CPLANE1: variants seen among roughly 807,000 people sequenced by gnomAD.
CPLANE1 encodes the protein ciliogenesis and planar polarity effector complex subunit 1.
Under a neutral mutation model 362.5 loss-of-function variants are expected in CPLANE1, and 263 were observed. The ratio of observed to expected loss-of-function variants is 0.73; its 90% CI spans 0.66 to 0.80. CPLANE1 has a LOEUF of 0.80. CPLANE1 is among the 30% of genes least tolerant of loss of function. The pLI is 0.00. For synonymous variants in CPLANE1, 1,212 were observed against 1,302.6 expected (o/e 0.93, Z 1.50); for missense variants, 3,461 against 3,793.4 (o/e 0.91, Z 2.30).
At position 37,121,622 on chromosome 5, in the gene CPLANE1, T is replaced by C. The variant is rs1762653550; in HGVS notation, c.9180A>G (p.Pro3060=). Residue 3060 remains proline, a synonymous_variant, in exon 49 of 53, where the codon CCA becomes CCG. Transcript: ENST00000651892. ...QSSSCQHCPS[P]RGENQHGHSF... ...CATGTGAAACCTTGTCTTACCCTCT[T>C]GGAGAAGGGCAGTGTTGACAACTGG... is the stretch of plus-strand genomic sequence containing the variant. The C allele has an allele frequency of 2.5e-6, 4 of 1,614,064 alleles. No homozygotes were observed. The highest frequency in any genetic ancestry group is 3.4e-6 in the Non-Finnish European group (4 of 1,179,940).
Position 37,169,004 on chromosome 5 carries a change from T to C in CPLANE1, c.7020A>G (p.Lys2340=), listed in dbSNP as rs565835408. 6.2e-7 allele frequency: 1 copy of C among 1,614,056 alleles called. No individual in the cohort carries two copies. Among genetic ancestry groups the C allele is most frequent in the African/African-American group, 1.3e-5 (1 of 75,008 alleles). ...GGGTCCCTGGCTTAACATCAAATAG[T>C]TTTTCTGGTTTTATAAACACTGAAG... The part of the protein sequence containing the change: ...QDSSVFIKPE[K]LFDVKPGTLE... Residue 2340 remains lysine, a synonymous_variant, in exon 34 of 53, where the codon AAA becomes AAG. Coordinates refer to ENST00000651892, the MANE Select transcript of CPLANE1 (RefSeq NM_001384732.1).
chr5:37,237,437 A>G (rs2150646041), intron 8 of CPLANE1, among the ~76,000 whole-genome samples: 1 of 152,326 alleles, frequency 6.6e-6, no homozygotes, highest in East Asian at 1.9e-4. Context: ...TAGGCATTGG[A>G]GACTACTAAA....
intron 26 of CPLANE1, among the ~76,000 whole-genome samples, chr5:37,182,342 A>G (rs1782881745): frequency 6.6e-6 from 1 of 151,952 alleles, no homozygotes; most frequent in Non-Finnish European, 1.5e-5. Context: ...TGGTTCTCCA[A>G]CCTCTTCTGG....
rs1400923516 is a variant in CPLANE1 at position 37,206,206 on chromosome 5, T to C, written c.3140A>G (p.Asn1047Ser). 3 of 1,550,346 alleles carry C rather than the reference T, an allele frequency of 1.9e-6. No homozygotes were observed. The highest frequency in any genetic ancestry group is 4.9e-5 in the East Asian group (2 of 40,910). Residue 1047 changes from asparagine to serine, a missense_variant, in exon 17 of 53, where the codon AAT (asparagine) becomes AGT (serine). By Grantham distance (46) the Asn-to-Ser change is conservative. Around this residue, in one of 2 missense-constraint regions of CPLANE1, gnomAD observed 3,380 missense variants for 3,666.1 expected, o/e 0.92. Coordinates refer to ENST00000651892, the MANE Select transcript of CPLANE1 (RefSeq NM_001384732.1). ...GCCTAAAAATCCATACCTCATGAAA[T>C]TGCTATCACGTTTACAGAACAGCTG... ...AFQLFCKRDS[N>S]FMRSKKKSLN...
At chr5:37,115,767 T>C (rs956067982) in intron 50 of CPLANE1, among the ~76,000 whole-genome samples, 1 of 151,580 alleles carries the variant, frequency 6.6e-6, no homozygotes, top group Non-Finnish European at 1.5e-5. Flanking sequence ...TGGCTACTTT[T>C]TTTTATTTTT....
intron 8 of CPLANE1, among the ~76,000 whole-genome samples, chr5:37,232,299 C>T (rs1258107390): frequency 2.0e-5 from 3 of 152,022 alleles, no homozygotes; most frequent in African/African-American, 2.4e-5. Flanking sequence ...AGGTGGATCA[C>T]GAGGTCAGGA....
At chr5:37,099,016 C>T in the CPLANE1 span, among the ~76,000 whole-genome samples, 1 of 144,704 alleles carries the variant, frequency 6.9e-6, no homozygotes, top group Non-Finnish European at 1.5e-5. Context: ...AAAACAAACA[C>T]AAAATAAGTA....
At chr5:37,215,461 C>T (rs1793779115) in intron 15 of CPLANE1, among the ~76,000 whole-genome samples, 1 of 151,996 alleles carries the variant, frequency 6.6e-6, no homozygotes, top group South Asian at 2.1e-4. Flanking sequence ...TTTATGTTAC[C>T]AGTAAGGCTT....
At chr5:37,187,072 A>AAAAAACAAAC (rs1784275542) in intron 23 of CPLANE1, among the ~76,000 whole-genome samples, 1 of 147,666 alleles carries the variant, frequency 6.8e-6, no homozygotes, top group African/African-American at 2.5e-5. Context: ...AAAAAAAAAA[A>AAAAAACAAAC]AAAAAAAAAA....
the CPLANE1 span, among the ~76,000 whole-genome samples, chr5:37,100,894 T>A: frequency 6.6e-6 from 1 of 152,194 alleles, no homozygotes; most frequent in African/African-American, 2.4e-5. Flanking sequence ...AGTTCATTCA[T>A]AATTTGGTTG....
In CPLANE1 at chr5:37,186,351, A is replaced by C; in HGVS notation, c.4124T>G (p.Val1375Gly). ...ATATTTGTCTCTTAAAGGAACCCTCACGTCCTCAGGATAGGGAAATGCTTT... is the reference window on the plus strand; with the variant it reads ...ATATTTGTCTCTTAAAGGAACCCTCCCGTCCTCAGGATAGGGAAATGCTTT... ...FVKAFPYPED[V>G]RVPLRDKYHS... Residue 1375 changes from valine to glycine, a missense_variant, in exon 24 of 53, where the codon GTG becomes GGG. Physicochemically the swap from Val to Gly is moderately radical, Grantham distance 109. Transcript: ENST00000651892. 6.2e-7 allele frequency: 1 copy of C among 1,607,404 alleles called. No individual in the cohort carries two copies. The highest frequency in any genetic ancestry group is 8.5e-7 in the Non-Finnish European group (1 of 1,174,136).
At chr5:37,113,697 T>C (rs1204593433) in intron 51 of CPLANE1, among the ~76,000 whole-genome samples, 1 of 152,214 alleles carries the variant, frequency 6.6e-6, no homozygotes, top group African/African-American at 2.4e-5. Context: ...GTAAACTGAA[T>C]GACGGATCTA....
At position 37,187,722 on chromosome 5, in the gene CPLANE1, C is replaced by T. The variant is rs760789903; in HGVS notation, c.3921+11G>A. On this transcript the variant is annotated intron_variant, in intron 22 of 52. Coordinates refer to ENST00000651892, the MANE Select transcript of CPLANE1 (RefSeq NM_001384732.1). ...TGTGTTCATTTTTCTTATTTTTGCC[C>T]TGGTAAATACCTTTTCTCCTTTTAC... 2 of 1,603,624 alleles carry T rather than the reference C, an allele frequency of 1.2e-6. No homozygotes were observed. Among genetic ancestry groups the T allele is most frequent in the South Asian group, 2.2e-5 (2 of 89,682 alleles).
At chr5:37,173,707 C>A (rs754182348) in intron 32 of CPLANE1, 48 bp downstream of exon 32, 1 of 1,439,956 alleles carries the variant, frequency 6.9e-7, no homozygotes, top group Non-Finnish European at 9.7e-7. Context: ...TAAAACCCTA[C>A]ATGTACACTA....
intron 15 of CPLANE1, among the ~76,000 whole-genome samples, chr5:37,216,439 C>T (rs1030988922): frequency 6.6e-6 from 1 of 152,146 alleles, no homozygotes; most frequent in Non-Finnish European, 1.5e-5. Context: ...GTCCCAGCTA[C>T]TCAGGAGGCT....
rs1380375534 is a variant in CPLANE1 at position 37,209,941 on chromosome 5, T to C, written c.2921-3516A>G. 3.7e-5 allele frequency: 47 copies of C among 1,280,568 alleles called. No individual in the cohort carries two copies. Among genetic ancestry groups the C allele is most frequent in the Non-Finnish European group, 5.1e-5 (45 of 877,884 alleles). The allele number at this position is 1,280,568 out of a possible 1,614,324, so 79.3% of individuals were successfully genotyped here. ...GATGCTTACCCTCAGCGTATCAAGT[T>C]TGAGTCTTTAGAAATAAAGCTAAAT... On this transcript the variant is annotated intron_variant, in intron 16 of 52. Coordinates refer to ENST00000651892, the MANE Select transcript of CPLANE1 (RefSeq NM_001384732.1). This position sits in a 1 kb window ranked among gnomAD's most constrained non-coding sequence, Gnocchi z 4.6.
intron 18 of CPLANE1, among the ~76,000 whole-genome samples, chr5:37,203,689 T>C (rs1239305194): frequency 6.6e-6 from 1 of 152,148 alleles, no homozygotes. Context: ...GGATAATTTT[T>C]GTATTTTCTG....
downstream of CPLANE1, among the ~76,000 whole-genome samples, chr5:37,102,840 T>C (rs1220968458): frequency 6.6e-6 from 1 of 152,140 alleles, no homozygotes; most frequent in Non-Finnish European, 1.5e-5. Context: ...AATTTTAGAG[T>C]GCCATGTGAT....
At chr5:37,134,519 T>G (rs992375321) in intron 46 of CPLANE1, among the ~76,000 whole-genome samples, 1 of 152,162 alleles carries the variant, frequency 6.6e-6, no homozygotes, top group Non-Finnish European at 1.5e-5. Flanking sequence ...CTTATTTGGA[T>G]CTTCTCTCTT....
Sources: allele counts gnomAD v4.1 joint callset (sites outside exome capture counted in the v4.1 genomes callset), GRCh38; gene constraint gnomAD v4.1.1; regional missense constraint gnomAD v4.1.1; non-coding constraint Gnocchi (gnomAD v3.1); transcripts MANE v1.5; gene names NCBI Gene and HGNC (gene_info 2026-07-23, HGNC 2026-07-21).